The following MICU2 variants were observed in gnomAD, a reference collection of about 807,000 sequenced individuals.
MICU2 encodes mitochondrial calcium uptake 2, also known as calcium uptake protein 2, mitochondrial.
Under a neutral mutation model 60.4 loss-of-function variants are expected in MICU2, and 64 were observed. The ratio of observed to expected loss-of-function variants is 1.06; its 90% CI spans 0.87 to 1.31. MICU2 has a LOEUF of 1.31. MICU2 is among the 50% of genes most tolerant of loss of function. The pLI is 0.00. For synonymous variants in MICU2, 201 were observed against 175.0 expected, an observed-to-expected ratio of 1.15 and a Z score of -1.17; for missense variants, 569 against 531.0, an observed-to-expected ratio of 1.07 and a Z score of -0.70.
At chr13:21,568,675 G>A (rs1593349309) in intron 1 of MICU2, among the ~76,000 whole-genome samples, 1 of 152,126 alleles carries the variant, frequency 6.6e-6, no homozygotes, top group African/African-American at 2.4e-5. Flanking sequence ...CTCTACTGGT[G>A]CCATAACAAG....
intron 4 of MICU2, among the ~76,000 whole-genome samples, chr13:21,524,364 G>GAA (rs548526268): frequency 6.6e-6 from 1 of 151,560 alleles, no homozygotes; most frequent in African/African-American, 2.4e-5. Context: ...GGATTATTTT[G>GAA]AAACAAAACC....
At chr13:21,550,482 G>T (rs1424962475) in intron 2 of MICU2, among the ~76,000 whole-genome samples, 1 of 152,162 alleles carries the variant, frequency 6.6e-6, no homozygotes, top group Non-Finnish European at 1.5e-5. Flanking sequence ...AGGCTGCAGG[G>T]AGCTATGATC....
chr13:21,521,194 C>T (rs544690961), intron 6 of MICU2, 51 bp downstream of exon 6: 2 of 1,344,708 alleles, frequency 1.5e-6, no homozygotes, highest in South Asian at 1.3e-5. Context: ...AATTATCACA[C>T]AAACATCCAG....
intron 7 of MICU2, among the ~76,000 whole-genome samples, chr13:21,513,291 A>T (rs994300247): frequency 2.6e-5 from 4 of 152,190 alleles, no homozygotes; most frequent in African/African-American, 9.7e-5. Flanking sequence ...GAACAAGAGT[A>T]GCAAGAATGG....
intron 11 of MICU2, among the ~76,000 whole-genome samples, chr13:21,494,474 T>C (rs1885940845): frequency 6.6e-6 from 1 of 152,188 alleles, no homozygotes; most frequent in African/African-American, 2.4e-5. Flanking sequence ...AATAGTGAAA[T>C]TTACTTCATA....
rs1566152632 is a variant in MICU2, at chr13:21,539,356, C to CT, written c.411dup (p.Gly138ArgfsTer18). 1 of 1,614,010 alleles carries CT rather than the reference C, an allele frequency of 6.2e-7. No homozygotes were observed. Among genetic ancestry groups the CT allele is most frequent in the Non-Finnish European group, 8.5e-7 (1 of 1,179,956 alleles). ...GATCCACAGCCAGCTGTTTGGATCC[C>CT]TGACAGTGTATCCTCGATGTCCTTT... is the stretch of plus-strand genomic sequence containing the variant. On this transcript the variant is annotated frameshift_variant, in exon 4 of 12. Transcript: ENST00000382374. LOFTEE classifies it high-confidence loss of function.
At chr13:21,574,932 A>G (rs1057458663) in intron 1 of MICU2, among the ~76,000 whole-genome samples, 12 of 152,238 alleles carry the variant, frequency 7.9e-5, no homozygotes, top group Admixed American at 2.0e-4. Flanking sequence ...GACTAAATTA[A>G]AAATATTCAC....
chr13:21,532,068 T>C (rs1887014104), intron 4 of MICU2, among the ~76,000 whole-genome samples: 2 of 152,188 alleles, frequency 1.3e-5, no homozygotes, highest in South Asian at 2.1e-4. Context: ...CCTCTGCCAA[T>C]ATGAAAAGCT....
chr13:21,512,077 C>T (rs1451573809), intron 7 of MICU2, among the ~76,000 whole-genome samples: 1 of 152,190 alleles, frequency 6.6e-6, no homozygotes, highest in African/African-American at 2.4e-5. Context: ...GTTTTACATT[C>T]CCACTAGCAA....
At chr13:21,566,168 C>G (rs1593348088) in intron 2 of MICU2, among the ~76,000 whole-genome samples, 1 of 152,254 alleles carries the variant, frequency 6.6e-6, no homozygotes, top group African/African-American at 2.4e-5. Context: ...GACTGCTCAC[C>G]TTGCTCTCAC....
intron 9 of MICU2, 179 bp downstream of exon 9, chr13:21,502,747 G>C (rs1394966107): frequency 1.1e-5 from 5 of 452,684 alleles, no homozygotes; most frequent in African/African-American, 1.1e-4. Flanking sequence ...TTGCTACACT[G>C]ATTCTGTCTT....
At chr13:21,494,779 C>T (rs1478198980) in intron 11 of MICU2, among the ~76,000 whole-genome samples, 11 of 152,110 alleles carry the variant, frequency 7.2e-5, no homozygotes, top group East Asian at 3.9e-4. Context: ...CCACCCGGCT[C>T]GGCCTCCCAC....
intron 9 of MICU2, among the ~76,000 whole-genome samples, chr13:21,498,736 A>C (rs1886068055): frequency 6.6e-6 from 1 of 152,070 alleles, no homozygotes; most frequent in Non-Finnish European, 1.5e-5. Context: ...TGTTTTACAC[A>C]ATGGGAACAA....
chr13:21,497,974 C>T (rs1358972520), intron 9 of MICU2, among the ~76,000 whole-genome samples: 1 of 152,164 alleles, frequency 6.6e-6, no homozygotes, highest in Admixed American at 6.5e-5. Context: ...AGGCTGGTTT[C>T]AAACTCCTGG....
chr13:21,516,930 A>G (rs760572481), intron 6 of MICU2, among the ~76,000 whole-genome samples: 100 of 152,336 alleles, frequency 6.6e-4, no homozygotes, highest in Non-Finnish European at 5.9e-5. Flanking sequence ...ACCTGTCATT[A>G]ATCTACTGTT....
rs201848452 is a variant in MICU2 at position 21,495,317 on chromosome 13, C to T, written c.1044G>A (p.Ala348=). 5.8e-4 allele frequency: 917 copies of T among 1,576,678 alleles called. 12 individuals are homozygous for T. The South Asian group carries it at 9.7e-3, about 17-fold the overall frequency. ...FSLAHRPVRL[A]EFKRAVKVAT... is the part of the protein sequence containing the mutation. ...CTACTTTCACAGCTCTCTTAAACTC[C>T]GCTAAAAAACAAACATAAAACAACT... The change falls in exon 11 of 12, where the codon GCG becomes GCA. Residue 348 remains alanine (A), a splice_region_variant and synonymous_variant. Transcript: ENST00000382374.
intron 2 of MICU2, among the ~76,000 whole-genome samples, chr13:21,548,736 A>T (rs1322416714): frequency 6.6e-6 from 1 of 152,132 alleles, no homozygotes; most frequent in African/African-American, 2.4e-5. Flanking sequence ...CACATAGGTT[A>T]TAAATATTTC....
intron 4 of MICU2, chr13:21,531,405 T>C: frequency 1.1e-6 from 1 of 917,370 alleles, no homozygotes; most frequent in Non-Finnish European, 1.7e-6. Context: ...AGAGTGGTCC[T>C]TCCCTTTGCC....
At chr13:21,601,152 A>C (rs1360425885) in intron 1 of MICU2, among the ~76,000 whole-genome samples, 1 of 152,230 alleles carries the variant, frequency 6.6e-6, no homozygotes, top group Non-Finnish European at 1.5e-5. Flanking sequence ...AACTTGGAAT[A>C]CCAATGTAAC....
Sources: allele counts gnomAD v4.1 joint callset (sites outside exome capture counted in the v4.1 genomes callset), GRCh38; gene constraint gnomAD v4.1.1; transcripts MANE v1.5; gene names NCBI Gene and HGNC (gene_info 2026-07-23, HGNC 2026-07-21).